The following CCDC88C variants were observed in gnomAD, a reference collection of about 807,000 sequenced individuals.
CCDC88C encodes protein Daple.
Under a neutral mutation model 198.8 loss-of-function variants are expected in CCDC88C, and 131 were observed. The ratio of observed to expected loss-of-function variants is 0.66; its 90% CI spans 0.57 to 0.76. The LOEUF is 0.76. CCDC88C is among the 30% of genes least tolerant of loss of function. The pLI is 0.00. For synonymous variants in CCDC88C, 1,166 were observed against 1,114.7 expected (o/e 1.05, Z -0.92); for missense variants, 2,553 against 2,631.6 (o/e 0.97, Z 0.65).
In CCDC88C at chr14:91,314,157, G is replaced by A. The variant is rs1891991356; in HGVS notation, c.1666-7C>T. ...CCTGCTCAAGGTCCTTGATCTACGG[G>A]AAAACACAACAGGCACAACCCAGGC... On this transcript the variant is annotated splice_polypyrimidine_tract_variant and splice_region_variant and intron_variant, in intron 14 of 29. Coordinates refer to ENST00000389857, the MANE Select transcript of CCDC88C (RefSeq NM_001080414.4). 1 of 1,600,568 alleles carries A rather than the reference G, an allele frequency of 6.2e-7. No homozygotes were observed. The highest frequency in any genetic ancestry group is 8.5e-7 in the Non-Finnish European group (1 of 1,173,812).
chr14:91,296,027 C>T (rs1453143257), intron 22 of CCDC88C, among the ~76,000 whole-genome samples: 2 of 152,214 alleles, frequency 1.3e-5, no homozygotes, highest in South Asian at 2.1e-4. Context: ...TGCCGGTTCA[C>T]GGATCATGGA....
intron 3 of CCDC88C, among the ~76,000 whole-genome samples, chr14:91,389,466 T>C (rs1433294300): frequency 2.0e-5 from 3 of 152,202 alleles, no homozygotes; most frequent in Admixed American, 1.3e-4. Context: ...GATTTAAGCA[T>C]GAGCTTCTAA....
At chr14:91,374,055 C>G (rs1894961421) in intron 3 of CCDC88C, among the ~76,000 whole-genome samples, 1 of 152,220 alleles carries the variant, frequency 6.6e-6, no homozygotes. Context: ...CTCTGAATCC[C>G]CCCAGGGCTC....
intron 26 of CCDC88C, among the ~76,000 whole-genome samples, chr14:91,282,959 GA>G (rs899367201): frequency 6.6e-6 from 1 of 152,182 alleles, no homozygotes; most frequent in African/African-American, 2.4e-5. Flanking sequence ...CTTCTCTCGA[GA>G]AAAAAACCCC....
At chr14:91,315,869 C>A in intron 13 of CCDC88C, 82 bp from the exon 14 acceptor site, 1 of 1,455,484 alleles carries the variant, frequency 6.9e-7, no homozygotes, top group Non-Finnish European at 9.4e-7. Context: ...AGAAACCACC[C>A]CAACAGAATG....
In CCDC88C at chr14:91,342,401, G is replaced by A. The variant is rs779046050; in HGVS notation, c.462C>T (p.Gly154=). 5.0e-6 allele frequency: 8 copies of A among 1,594,516 alleles called. No individual in the cohort carries two copies. The highest frequency in any genetic ancestry group is 6.0e-6 in the Non-Finnish European group (7 of 1,170,322). Residue 154 remains glycine, a synonymous_variant, in exon 6 of 30, where the codon GGC becomes GGT. Transcript: ENST00000389857. ...CTACCTCCTGGATATGGGCCACGAT[G>A]CCAGCCTGGGTCTCAATGTCCAGCT... ...IKQLDIETQA[G]IVAHIQEVTH...
At chr14:91,411,761 G>A (rs543077983) in intron 2 of CCDC88C, among the ~76,000 whole-genome samples, 2 of 152,204 alleles carry the variant, frequency 1.3e-5, no homozygotes, top group East Asian at 1.9e-4. Context: ...TCAGGAGTTC[G>A]AGACCAGCCT....
rs368616987 is a variant in CCDC88C at position 91,337,540 on chromosome 14, T to C, written c.1050+465A>G. On this transcript the variant is annotated intron_variant, in intron 10 of 29. Transcript: ENST00000389857. ...ATTTTTTGTAGAGACAGAGTCTTGC[T>C]ATGTTGCCCAGGCTGATCTCAAACT... 7.2e-5 allele frequency among the ~76,000 whole-genome samples: 11 copies of C among 152,336 alleles called. No homozygotes were observed. The East Asian group carries it at 1.7e-3, about 24-fold the overall frequency.
At chr14:91,322,395 A>G (rs11621564) in intron 12 of CCDC88C, among the ~76,000 whole-genome samples, 9,294 of 152,176 alleles carry the variant, frequency 0.061, 315 homozygotes, top group African/African-American at 0.081. Context: ...CGCCCTAAAG[A>G]CCCAAACCAA....
At chr14:91,321,009 G>T in intron 13 of CCDC88C, 111 bp downstream of exon 13, 1 of 1,019,550 alleles carries the variant, frequency 9.8e-7, no homozygotes, top group Non-Finnish European at 1.4e-6. Flanking sequence ...CCTGACACCT[G>T]CATGCTCTAC....
chr14:91,337,497 G>C (rs959401257), intron 10 of CCDC88C, among the ~76,000 whole-genome samples: 1 of 152,156 alleles, frequency 6.6e-6, no homozygotes, highest in Non-Finnish European at 1.5e-5. Context: ...GTGGCACTAT[G>C]CCTGGCTAAA....
At position 91,343,677 on chromosome 14, in the gene CCDC88C, C is replaced by T. The variant is rs1345001679; in HGVS notation, c.341-20G>A. ...TCTTCCCTAGATCAAGAGAGCAACA[C>T]ATTTAACTCAGCTCAACTGCTGATA... On this transcript the variant is annotated intron_variant, in intron 4 of 29. Coordinates refer to ENST00000389857, the MANE Select transcript of CCDC88C (RefSeq NM_001080414.4). The T allele has an allele frequency of 8.7e-6, 14 of 1,613,080 alleles. No individual in the cohort carries two copies. Among genetic ancestry groups the T allele is most frequent in the African/African-American group, 5.3e-5 (4 of 75,028 alleles).
chr14:91,303,320 C>T (rs1157084909), intron 20 of CCDC88C, among the ~76,000 whole-genome samples: 2 of 146,608 alleles, frequency 1.4e-5, no homozygotes, highest in Non-Finnish European at 3.1e-5. Context: ...CTGCTCCAGG[C>T]TCCACCTCTC....
At chr14:91,382,236 T>A (rs1382946247) in intron 3 of CCDC88C, among the ~76,000 whole-genome samples, 2 of 152,144 alleles carry the variant, frequency 1.3e-5, no homozygotes, top group African/African-American at 4.8e-5. Flanking sequence ...TTTCCACAAA[T>A]CTCAACGCAG....
intron 4 of CCDC88C, among the ~76,000 whole-genome samples, chr14:91,347,576 T>C (rs1385845456): frequency 6.6e-6 from 1 of 151,866 alleles, no homozygotes; most frequent in Non-Finnish European, 1.5e-5. Flanking sequence ...AAAAAACACA[T>C]GAAAAAATGC....
chr14:91,339,440 T>A lies in CCDC88C; in HGVS notation c.647A>T (p.Glu216Val). Residue 216 changes from glutamate to valine, a missense_variant, in exon 8 of 30, where the codon GAA becomes GTA. Glu to Val is a moderately radical substitution (Grantham distance 121). This residue lies in a region of CCDC88C where 1,260 missense variants were observed against 1,412.0 expected (regional missense o/e 0.89). Coordinates refer to ENST00000389857, the MANE Select transcript of CCDC88C (RefSeq NM_001080414.4). This position sits in a 1 kb window ranked among gnomAD's most constrained non-coding sequence, Gnocchi z 5.8. The part of the protein sequence containing the change: ...CTELIVDLTQ[E>V]RDYLQAQHPP... ...ATGCTGTGCCTGCAGGTAGTCCCGT[T>A]CCTGAGTGAGGTCCACGATCAGCTG... is the stretch of plus-strand genomic sequence containing the variant. 1 of 1,606,728 alleles carries A rather than the reference T, an allele frequency of 6.2e-7. No homozygotes were observed. The highest frequency in any genetic ancestry group is 8.5e-7 in the Non-Finnish European group (1 of 1,174,066).
intron 2 of CCDC88C, among the ~76,000 whole-genome samples, chr14:91,413,828 T>C (rs1886912941): frequency 6.6e-6 from 1 of 152,218 alleles, no homozygotes; most frequent in Admixed American, 6.5e-5. Context: ...CAGCCTCTTA[T>C]CTGAGCTCTG....
At chr14:91,299,715 C>A (rs904029422) in intron 21 of CCDC88C, among the ~76,000 whole-genome samples, 5 of 152,242 alleles carry the variant, frequency 3.3e-5, no homozygotes, top group Admixed American at 3.3e-4. Context: ...ACTCAGACGA[C>A]GCGCCATCCC....
chr14:91,288,976 C>G lies in CCDC88C; in HGVS notation c.4441+129G>C. On this transcript the variant is annotated intron_variant, in intron 25 of 29. Coordinates refer to ENST00000389857, the MANE Select transcript of CCDC88C (RefSeq NM_001080414.4). This position sits in a 1 kb window ranked among gnomAD's most constrained non-coding sequence, Gnocchi z 4.2. ...AATTTCTACTTGGCTCGTAACACAT[C>G]TAAGCGAAGGCGCACATGCAGTCAC... The G allele has an allele frequency of 1.4e-6, 1 of 706,398 alleles. No homozygotes were observed. The highest frequency in any genetic ancestry group is 2.7e-5 in the East Asian group (1 of 36,640). 43.8% of individuals were successfully genotyped at this position (706,398 alleles called of 1,614,324 possible).
Sources: gnomAD v4.1 joint callset for allele counts (sites outside exome capture counted in the v4.1 genomes callset) on GRCh38, gnomAD v4.1.1 for gene constraint, gnomAD v4.1.1 regional missense constraint, Gnocchi (gnomAD v3.1) non-coding constraint, MANE v1.5 for transcripts, NCBI Gene and HGNC (gene_info 2026-07-23, HGNC 2026-07-21) for gene names.